The following CYSLTR1 variants were observed in gnomAD, a reference collection of about 807,000 sequenced individuals.
CYSLTR1 encodes cysteinyl leukotriene receptor 1, also known as G-protein coupled receptor HG55.
Under a neutral mutation model 2.1 loss-of-function variants are expected in CYSLTR1, and 1 was observed. That is an observed-to-expected ratio of 0.48 (90% confidence interval 0.17 to 2.28). CYSLTR1 has a LOEUF of 2.28. Among genes scored for constraint, CYSLTR1 ranks in the 30% most tolerant of loss-of-function variants. The pLI is 0.26. For synonymous variants in CYSLTR1, 110 were observed against 89.6 expected, an observed-to-expected ratio of 1.23 and a Z score of -1.28; for missense variants, 299 against 250.1, an observed-to-expected ratio of 1.20 and a Z score of -1.32.
chrX:78,292,112 A>T (rs752876436), intron 1 of CYSLTR1, among the ~76,000 whole-genome samples: 7 of 111,987 alleles, frequency 6.3e-5, no homozygotes, highest in Admixed American at 9.5e-5. Context: ...ATTTAGTGCT[A>T]TAAATTTTCC....
chrX:78,289,533 G>A (rs757098128), intron 1 of CYSLTR1, among the ~76,000 whole-genome samples: 3 of 111,714 alleles, frequency 2.7e-5, no homozygotes, highest in East Asian at 2.8e-4. Context: ...TTGAGAAATC[G>A]CCACACTGTC....
At chrX:78,300,387 A>G (rs1224881373) in intron 1 of CYSLTR1, among the ~76,000 whole-genome samples, 1 of 112,699 alleles carries the variant, frequency 8.9e-6, no homozygotes, top group Non-Finnish European at 1.9e-5. Context: ...TTGAAAAATT[A>G]GGTATTTATT....
At chrX:78,289,837 A>G (rs1422276921) in intron 1 of CYSLTR1, among the ~76,000 whole-genome samples, 54 of 111,538 alleles carry the variant, frequency 4.8e-4, no homozygotes, top group Admixed American at 4.2e-3. Flanking sequence ...AAATTTGTTT[A>G]AGTTCATTGT....
rs1021857143 is a variant in CYSLTR1, at chrX:78,309,921, T to C, written c.-115+17384A>G. 6.2e-5 allele frequency among the ~76,000 whole-genome samples: 7 copies of C among 112,324 alleles called. No homozygotes were observed. The Admixed American group carries it at 6.6e-4, about 11-fold the overall frequency. On this transcript the variant is annotated intron_variant, in intron 1 of 2. Coordinates refer to ENST00000373304, the MANE Select transcript of CYSLTR1 (RefSeq NM_006639.4). The stretch of plus-strand genomic sequence containing the variant: ...ACTGGCACAAGACAAATTCATATAC[T>C]GCTACAAATCATGACAGTTAAATAT...
At chrX:78,296,539 T>G (rs1412806820) in intron 1 of CYSLTR1, among the ~76,000 whole-genome samples, 1 of 111,994 alleles carries the variant, frequency 8.9e-6, no homozygotes, top group African/African-American at 3.2e-5. Flanking sequence ...AAACGAAATA[T>G]CTTTCTATTT....
At chrX:78,287,009 T>C (rs1922103382) in intron 1 of CYSLTR1, among the ~76,000 whole-genome samples, 1 of 111,835 alleles carries the variant, frequency 8.9e-6, no homozygotes, top group Admixed American at 9.5e-5. Flanking sequence ...TCATTGGTTG[T>C]TTATTTTCTT....
intron 1 of CYSLTR1, among the ~76,000 whole-genome samples, chrX:78,296,181 C>A (rs767997914): frequency 9.0e-6 from 1 of 111,649 alleles, no homozygotes; most frequent in South Asian, 3.8e-4. Flanking sequence ...ATGTTCTTGG[C>A]AACTTTGTTG....
chrX:78,303,105 C>A (rs773571915), intron 1 of CYSLTR1, among the ~76,000 whole-genome samples: 2 of 111,884 alleles, frequency 1.8e-5, no homozygotes, highest in Non-Finnish European at 3.8e-5. Flanking sequence ...CTGACTGCTG[C>A]AGTCTGTAAT....
chrX:78,305,371 G>A (rs768967207), intron 1 of CYSLTR1, among the ~76,000 whole-genome samples: 1 of 111,629 alleles, frequency 9.0e-6, no homozygotes, highest in South Asian at 3.7e-4. Flanking sequence ...AATCTCTTCA[G>A]ATTGTTTTAG....
rs145713397 is a variant in CYSLTR1 at position 78,272,774 on chromosome X, C to A, written c.973G>T (p.Ala325Ser). ...SSVTYVPRKK[A>S]SLPEKGEEIC... is the part of the protein sequence containing the mutation. The stretch of plus-strand genomic sequence containing the variant: ...TCTTCTCCTTTTTCTGGCAAAGAGG[C>A]CTTCTTTCTGGGTACATAAGTCACG... Residue 325 changes from alanine to serine, a missense_variant, in exon 3 of 3, where the codon GCC (alanine) becomes TCC (serine). Coordinates refer to ENST00000373304, the MANE Select transcript of CYSLTR1 (RefSeq NM_006639.4). 4.2e-6 allele frequency: 5 copies of A among 1,202,414 alleles called. No individual in the cohort carries two copies. The African/African-American group carries it at 5.3e-5, about 13-fold the overall frequency.
chrX:78,314,655 T>C (rs1923340662), intron 1 of CYSLTR1, among the ~76,000 whole-genome samples: 1 of 110,630 alleles, frequency 9.0e-6, no homozygotes, highest in African/African-American at 3.3e-5. Context: ...CTCAGTGCTG[T>C]CCTATTAGAG....
At chrX:78,279,815 G>T (rs1426519038) in intron 2 of CYSLTR1, among the ~76,000 whole-genome samples, 2 of 111,727 alleles carry the variant, frequency 1.8e-5, no homozygotes, top group Non-Finnish European at 3.8e-5. Context: ...TGCAGTTGGA[G>T]GCCATTATCC....
At chrX:78,290,969 C>T (rs1922299949) in intron 1 of CYSLTR1, among the ~76,000 whole-genome samples, 1 of 111,617 alleles carries the variant, frequency 9.0e-6, no homozygotes, top group Admixed American at 9.5e-5. Flanking sequence ...GCCTGATTGC[C>T]CAGGCCAGAA....
chrX:78,298,688 G>A (rs1332016036), intron 1 of CYSLTR1, among the ~76,000 whole-genome samples: 1 of 111,227 alleles, frequency 9.0e-6, no homozygotes, highest in Non-Finnish European at 1.9e-5. Flanking sequence ...TAAGTATAGT[G>A]ACTCCTGCTC....
At chrX:78,309,523 A>G (rs1298058469) in intron 1 of CYSLTR1, among the ~76,000 whole-genome samples, 3 of 111,839 alleles carry the variant, frequency 2.7e-5, no homozygotes, top group African/African-American at 9.7e-5. Context: ...AGGATTTGAG[A>G]CCAAATATGA....
In CYSLTR1 at chrX:78,273,314, C is replaced by A. The variant is rs1251243804; in HGVS notation, c.433G>T (p.Val145Leu). 3 of 1,209,055 alleles carry A rather than the reference C, an allele frequency of 2.5e-6. No individual in the cohort carries two copies. The highest frequency in any genetic ancestry group is 2.3e-4 in the Middle Eastern group (1 of 4,373). The change falls in exon 3 of 3, where the codon GTA becomes TTA. Residue 145 changes from valine (V) to leucine (L), a missense_variant. By Grantham distance (32) the Val-to-Leu change is conservative (BLOSUM62 1). Transcript: ENST00000373304. ...VTQKKARFVC[V>L]GIWIFVILTS... is the part of the protein sequence containing the mutation. ...AAAATCACAAAAATCCAAATACCTA[C>A]ACACACAAACCTGGCTTTTTTCTGT...
At chrX:78,320,266 C>A (rs56995518) in intron 1 of CYSLTR1, 3 of 111,499 alleles carry the variant, frequency 2.7e-5, no homozygotes, top group African/African-American at 3.3e-5. Context: ...GTCTTTAATC[C>A]ATCTTGAATT....
chrX:78,302,286 C>A (rs938717598), intron 1 of CYSLTR1, among the ~76,000 whole-genome samples: 3 of 112,303 alleles, frequency 2.7e-5, no homozygotes, highest in African/African-American at 9.7e-5. Flanking sequence ...TGCTGCCTAG[C>A]CTTGGACTCA....
chrX:78,274,365 T>A (rs942570384), intron 2 of CYSLTR1, among the ~76,000 whole-genome samples: 8 of 110,745 alleles, frequency 7.2e-5, no homozygotes, highest in Non-Finnish European at 1.1e-4. Context: ...ACCAAAACAC[T>A]GGTACCAAAA....
Sources: allele counts gnomAD v4.1 joint callset (sites outside exome capture counted in the v4.1 genomes callset), GRCh38; gene constraint gnomAD v4.1.1; transcripts MANE v1.5; gene names NCBI Gene and HGNC (gene_info 2026-07-23, HGNC 2026-07-21).